Variants in MYO15A observed in about 807,000 individuals in gnomAD.
MYO15A encodes the protein myosin XVA, also known as unconventional myosin-XV.
A neutral mutation model predicts 394.6 loss-of-function variants in MYO15A; 308 were observed. The ratio of observed to expected loss-of-function variants is 0.78; its 90% CI spans 0.71 to 0.86. MYO15A has a LOEUF of 0.86. Among genes scored for constraint, MYO15A ranks in the 40% least tolerant of loss-of-function variants. The probability of loss-of-function intolerance (pLI) is 0.00; values close to 1 mark genes in which losing one functional copy is unlikely to be tolerated. For synonymous variants in MYO15A, 1,957 were observed against 2,003.8 expected, an observed-to-expected ratio of 0.98 and a Z score of 0.62; for missense variants, 4,606 against 4,799.1, an observed-to-expected ratio of 0.96 and a Z score of 1.19.
chr17:18,144,784 C>T (rs564343085), intron 29 of MYO15A, among the ~76,000 whole-genome samples, 192 bp downstream of exon 29: 2 of 145,450 alleles, frequency 1.4e-5, no homozygotes, highest in South Asian at 2.2e-4. Flanking sequence ...TTTTCTTCTC[C>T]CAGCCATCTT....
intron 51 of MYO15A, 68 bp from the exon 52 acceptor site, chr17:18,158,455 C>A: frequency 1.4e-6 from 2 of 1,422,144 alleles, no homozygotes; most frequent in South Asian, 2.3e-5. Context: ...GTTGCGTTGT[C>A]AGTTTTGACC....
rs1273383100 is a variant in MYO15A at position 18,152,203 on chromosome 17, A to AG, written c.7966+22dup. On this transcript the variant is annotated intron_variant, in intron 42 of 65. Coordinates refer to ENST00000647165, the MANE Select transcript of MYO15A (RefSeq NM_016239.4). ...ACTTCAGGTGAGAGGGCCAGGAGGG[A>AG]GGGAGGGGAGGGTGTCCAAGTATAT... The AG allele has an allele frequency of 2.6e-6, 3 of 1,141,418 alleles. No homozygotes were observed. Among genetic ancestry groups the AG allele is most frequent in the Non-Finnish European group, 3.7e-6 (3 of 811,456 alleles). The allele number at this position is 1,141,418 out of a possible 1,614,324, so 70.7% of individuals were successfully genotyped here. A position where few individuals can be genotyped will look rare whatever the true frequency, so the allele number is the denominator to read the frequency against.
At chr17:18,137,979 G>A (rs1038776487) in intron 16 of MYO15A, 136 bp from the exon 17 acceptor site, 39 of 1,255,214 alleles carry the variant, frequency 3.1e-5, no homozygotes, top group Non-Finnish European at 4.2e-5. Context: ...CTTATTAGGG[G>A]GTGAGCTCCC....
intron 1 of MYO15A, among the ~76,000 whole-genome samples, chr17:18,110,860 A>T (rs745363909): frequency 5.3e-5 from 8 of 152,128 alleles, no homozygotes; most frequent in South Asian, 2.1e-4. Flanking sequence ...ACCTTTGCAC[A>T]TGCTGTTCCA....
Position 18,131,263 on chromosome 17 carries a change from G to C in MYO15A, c.4063G>C (p.Glu1355Gln), listed in dbSNP as rs2142299447. Reference sequence around the variant, plus strand: ...GATCCTGGAGGCAACACCCCTCTTGGAGTCCTTCGGTAATGCCAAAACCGT... The same window carrying C: ...GATCCTGGAGGCAACACCCCTCTTGCAGTCCTTCGGTAATGCCAAAACCGT... ...IKILEATPLL[E>Q]SFGNAKTVRN... Residue 1355 changes from glutamate to glutamine, a missense_variant, in exon 9 of 66, where the codon GAG becomes CAG. Physicochemically the swap from Glu to Gln is conservative, Grantham distance 29. Coordinates refer to ENST00000647165, the MANE Select transcript of MYO15A (RefSeq NM_016239.4). 6.2e-7 allele frequency: 1 copy of C among 1,614,058 alleles called. No homozygotes were observed. Among genetic ancestry groups the C allele is most frequent in the East Asian group, 2.2e-5 (1 of 44,872 alleles).
At position 18,122,005 on chromosome 17, in the gene MYO15A, G is replaced by A; in HGVS notation, c.3205G>A (p.Asp1069Asn). ...CCTCTCATACCCACTGGCTGCGTGTGACCAGACCAGGGCCACATGGCCACC... is the reference window on the plus strand; with the variant it reads ...CCTCTCATACCCACTGGCTGCGTGTAACCAGACCAGGGCCACATGGCCACC... ...PSLSYPLAAC[D>N]QTRATWPPWH... Residue 1069 changes from aspartate to asparagine, a missense_variant, in exon 2 of 66, where the codon GAC becomes AAC. Coordinates refer to ENST00000647165, the MANE Select transcript of MYO15A (RefSeq NM_016239.4). The A allele has an allele frequency of 6.2e-7, 1 of 1,613,224 alleles. No individual in the cohort carries two copies. The highest frequency in any genetic ancestry group is 8.5e-7 in the Non-Finnish European group (1 of 1,180,008).
At chr17:18,130,157 G>A (rs908964396) in intron 7 of MYO15A, among the ~76,000 whole-genome samples, 44 of 152,154 alleles carry the variant, frequency 2.9e-4, no homozygotes, top group African/African-American at 1.0e-3. Flanking sequence ...GAAATTACAG[G>A]CGTGAGCCAC....
rs1466022776 is a variant in MYO15A at position 18,162,682 on chromosome 17, G to A, written c.9612+3G>A. The A allele has an allele frequency of 6.2e-7, 1 of 1,613,804 alleles. No homozygotes were observed. Among genetic ancestry groups the A allele is most frequent in the East Asian group, 2.2e-5 (1 of 44,872 alleles). ...GCATAGAGCTTCGGGCCATGTTGGT[G>A]AGCATAGGGTGGGAGTGGGTTCAAA... On this transcript the variant is annotated splice_donor_region_variant and intron_variant, in intron 58 of 65. Transcript: ENST00000647165.
At chr17:18,177,247 T>C (rs1013900501) in intron 65 of MYO15A, 1 of 152,200 alleles carries the variant, frequency 6.6e-6, no homozygotes, top group African/African-American at 2.4e-5. Context: ...ATATAAAATA[T>C]ACCTTGATCA....
rs2046573233 is a variant in MYO15A, at chr17:18,151,119, G to A, written c.7483G>A (p.Ala2495Thr). ...GTCCTGTTCTCCACAGAAACCCCCA[G>A]CACCAGAGGCACAGCCGACGTCTGT... ...LRSLPAEKPPAPEAQPTSVGT... is the reference protein window; with the variant it reads ...LRSLPAEKPPTPEAQPTSVGT... The change falls in exon 39 of 66, where the codon GCA becomes ACA. Residue 2495 changes from alanine to threonine, a missense_variant. By Grantham distance (58) the Ala-to-Thr change is moderately conservative (BLOSUM62 0). Transcript: ENST00000647165. 1 of 1,613,786 alleles carries A rather than the reference G, an allele frequency of 6.2e-7. No individual in the cohort carries two copies. Among genetic ancestry groups the A allele is most frequent in the African/African-American group, 1.3e-5 (1 of 74,912 alleles).
chr17:18,128,562 C>T (rs773836976), intron 7 of MYO15A, among the ~76,000 whole-genome samples: 1 of 152,220 alleles, frequency 6.6e-6, no homozygotes, highest in Non-Finnish European at 1.5e-5. Context: ...GATGACCAAA[C>T]AGATCATCCC....
rs543495013 is a variant in MYO15A, at chr17:18,139,524, C to T, written c.5134-10C>T. The stretch of plus-strand genomic sequence containing the variant: ...GCCAGGATTACCCAGGCCATTGTTC[C>T]CCTTTTCAGGTGCACAAGTTCCTGG... On this transcript the variant is annotated splice_polypyrimidine_tract_variant and intron_variant, in intron 18 of 65. Coordinates refer to ENST00000647165, the MANE Select transcript of MYO15A (RefSeq NM_016239.4). The T allele has an allele frequency of 5.6e-6, 9 of 1,613,538 alleles. No homozygotes were observed. Among genetic ancestry groups the T allele is most frequent in the African/African-American group, 5.3e-5 (4 of 75,018 alleles).
At position 18,119,541 on chromosome 17, in the gene MYO15A, C is replaced by T. The variant is rs768464340; in HGVS notation, c.741C>T (p.Asp247=). The T allele has an allele frequency of 3.7e-6, 6 of 1,608,800 alleles. No individual in the cohort carries two copies. The highest frequency in any genetic ancestry group is 5.1e-6 in the Non-Finnish European group (6 of 1,179,958). Residue 247 remains aspartate, a synonymous_variant, in exon 2 of 66, where the codon GAC becomes GAT. Coordinates refer to ENST00000647165, the MANE Select transcript of MYO15A (RefSeq NM_016239.4). ...DYHRDGDDYY[D]RQSLHRYEEQ... is the part of the protein sequence containing the mutation. ...ACCGCGACGGCGACGACTACTACGACCGGCAGTCACTCCACCGCTACGAGG... is the reference window on the plus strand; with the variant it reads ...ACCGCGACGGCGACGACTACTACGATCGGCAGTCACTCCACCGCTACGAGG...
chr17:18,147,993 T>C lies in MYO15A; in HGVS notation c.6510-36T>C. The stretch of plus-strand genomic sequence containing the variant: ...CCCTCAGCCCCAAGCTAGCTTCAGA[T>C]CCTTCTTGATCCTGGCTCCAACTCC... On this transcript the variant is annotated intron_variant, in intron 30 of 65. Transcript: ENST00000647165. The surrounding 1 kb of genome is among the most constrained non-coding windows in gnomAD (Gnocchi z 4.4). 1.2e-6 allele frequency: 2 copies of C among 1,613,502 alleles called. No individual in the cohort carries two copies. The highest frequency in any genetic ancestry group is 1.7e-6 in the Non-Finnish European group (2 of 1,179,686).
chr17:18,126,970 T>C, intron 6 of MYO15A, 105 bp downstream of exon 6: 1 of 1,594,392 alleles, frequency 6.3e-7, no homozygotes, highest in Non-Finnish European at 8.6e-7. Flanking sequence ...CTGGTACCTC[T>C]GGGTTGGCCC....
intron 52 of MYO15A, 56 bp downstream of exon 52, chr17:18,158,694 G>A (rs1567658797): frequency 6.3e-6 from 10 of 1,589,378 alleles, no homozygotes; most frequent in Non-Finnish European, 3.5e-6. Flanking sequence ...GCTTCTTGCT[G>A]CCATCCAAAC....
chr17:18,116,295 A>G (rs1379979546), intron 1 of MYO15A, among the ~76,000 whole-genome samples: 2 of 152,166 alleles, frequency 1.3e-5, no homozygotes, highest in South Asian at 2.1e-4. Context: ...GGTTAGCACG[A>G]CTATGCTCCT....
chr17:18,147,574 C>T lies in MYO15A; in HGVS notation c.6510-455C>T, dbSNP rs854775. Among the ~76,000 whole-genome samples, 80,149 of 151,850 alleles carry T rather than the reference C, an allele frequency of 0.53. 22,283 individuals are homozygous for T. Among genetic ancestry groups the T allele is most frequent in the Non-Finnish European group, 0.62 (42,037 of 67,910 alleles). On this transcript the variant is annotated intron_variant, in intron 30 of 65. Coordinates refer to ENST00000647165, the MANE Select transcript of MYO15A (RefSeq NM_016239.4). This position sits in a 1 kb window ranked among gnomAD's most constrained non-coding sequence, Gnocchi z 4.4. ...TATAGGTGAAAACTTGGAGGAGAGGCTCAGAGAGGGCAGATAATCATCCAA... is the reference window on the plus strand; with the variant it reads ...TATAGGTGAAAACTTGGAGGAGAGGTTCAGAGAGGGCAGATAATCATCCAA...
intron 3 of MYO15A, 127 bp downstream of exon 3, chr17:18,124,692 T>C (rs2046001216): frequency 2.2e-6 from 2 of 897,070 alleles, no homozygotes; most frequent in Non-Finnish European, 3.4e-6. Flanking sequence ...AGTCATGAAG[T>C]GTCACAAAGA....
Sources: gnomAD v4.1 joint callset for allele counts (sites outside exome capture counted in the v4.1 genomes callset) on GRCh38, gnomAD v4.1.1 for gene constraint, Gnocchi (gnomAD v3.1) non-coding constraint, MANE v1.5 for transcripts, NCBI Gene and HGNC (gene_info 2026-07-23, HGNC 2026-07-21) for gene names.